Variants in PXDN observed in about 807,000 individuals in gnomAD.
PXDN encodes the protein peroxidasin homolog.
Under a neutral mutation model 140.3 loss-of-function variants are expected in PXDN, and 77 were observed. That is an observed-to-expected ratio of 0.55 (90% CI 0.46 to 0.66). PXDN has a LOEUF of 0.66. Among genes scored for constraint, PXDN ranks in the 30% least tolerant of loss-of-function variants. The pLI is 0.00. For missense variants in PXDN, 1,838 were observed against 2,039.5 expected, an observed-to-expected ratio of 0.90 and a Z score of 1.90; for synonymous variants, 911 against 857.4, an observed-to-expected ratio of 1.06 and a Z score of -1.09.
At chr2:1,699,704 CTG>C (rs951844048) in intron 1 of PXDN, among the ~76,000 whole-genome samples, 2 of 152,150 alleles carry the variant, frequency 1.3e-5, no homozygotes, top group African/African-American at 4.8e-5. Flanking sequence ...GAGCGAAACT[CTG>C]TCTCACCAAA....
At chr2:1,694,305 T>C (rs1193507385) in intron 1 of PXDN, among the ~76,000 whole-genome samples, 2 of 152,194 alleles carry the variant, frequency 1.3e-5, no homozygotes, top group African/African-American at 4.8e-5. Context: ...CTAAGGAATC[T>C]GATTATCCTA....
chr2:1,741,919 C>G (rs757447502), intron 1 of PXDN, among the ~76,000 whole-genome samples: 31 of 152,096 alleles, frequency 2.0e-4, no homozygotes, highest in Non-Finnish European at 2.4e-4. Context: ...GACCATGCCC[C>G]CAGAGACCCC....
At chr2:1,676,843 TTGG>T in intron 8 of PXDN, 81 bp downstream of exon 8, 1 of 1,276,906 alleles carries the variant, frequency 7.8e-7, no homozygotes, top group Admixed American at 2.0e-5. Flanking sequence ...GACGTGGGCC[TTGG>T]TGGGGAGTGA....
At position 1,660,266 on chromosome 2, in the gene PXDN, C is replaced by T. The variant is rs895251114; in HGVS notation, c.1837+615G>A. 6.6e-6 allele frequency among the ~76,000 whole-genome samples: 1 copy of T among 152,126 alleles called. No individual in the cohort carries two copies. Among genetic ancestry groups the T allele is most frequent in the African/African-American group, 2.4e-5 (1 of 41,428 alleles). On this transcript the variant is annotated intron_variant, in intron 14 of 22. Transcript: ENST00000252804. The surrounding 1 kb of genome is among the most constrained non-coding windows in gnomAD (Gnocchi z 4.6). ...AAAGAGGGGCCAGAGTGACCCGGGC[C>T]TCTGTTACAAGAACCCGGACAAGAT...
At chr2:1,642,718 G>A (rs551418967) in intron 19 of PXDN, among the ~76,000 whole-genome samples, 5 of 152,340 alleles carry the variant, frequency 3.3e-5, no homozygotes, top group South Asian at 4.1e-4. Context: ...TTAGGAATGC[G>A]AAGCAGGAAC....
At chr2:1,725,052 A>T (rs559815717) in intron 1 of PXDN, among the ~76,000 whole-genome samples, 1 of 152,176 alleles carries the variant, frequency 6.6e-6, no homozygotes, top group Admixed American at 6.5e-5. Context: ...AATGTTTTAT[A>T]GTTTTTAGCA....
intron 1 of PXDN, among the ~76,000 whole-genome samples, chr2:1,716,578 G>A (rs1324780351): frequency 3.9e-5 from 6 of 152,078 alleles, no homozygotes; most frequent in Non-Finnish European, 8.8e-5. Flanking sequence ...GAGGTGGCGG[G>A]CAGGCTGGGC....
At chr2:1,733,843 A>G (rs936095386) in intron 1 of PXDN, among the ~76,000 whole-genome samples, 1 of 151,782 alleles carries the variant, frequency 6.6e-6, no homozygotes, top group Non-Finnish European at 1.5e-5. Context: ...AAGGTAAAGA[A>G]AGCACTGTTT....
At chr2:1,730,421 G>T (rs1420061853) in intron 1 of PXDN, among the ~76,000 whole-genome samples, 1 of 152,216 alleles carries the variant, frequency 6.6e-6, no homozygotes, top group Non-Finnish European at 1.5e-5. Flanking sequence ...GGGATGGGCA[G>T]TTGAGGGGTC....
intron 16 of PXDN, among the ~76,000 whole-genome samples, chr2:1,650,210 G>C (rs1245791930): frequency 6.6e-6 from 1 of 152,118 alleles, no homozygotes; most frequent in African/African-American, 2.4e-5. Flanking sequence ...TTCCTTTCAC[G>C]CTACCTCAAA....
intron 1 of PXDN, among the ~76,000 whole-genome samples, chr2:1,727,013 A>G (rs1321000909): frequency 6.6e-6 from 1 of 152,214 alleles, no homozygotes. Flanking sequence ...TTGTCTCAAA[A>G]GGGAAAATCA....
chr2:1,711,169 CCA>C (rs1267989652), intron 1 of PXDN, among the ~76,000 whole-genome samples: 3 of 102,234 alleles, frequency 2.9e-5, no homozygotes, highest in Non-Finnish European at 5.9e-5. Context: ...CCACCAGCAC[CCA>C]CTCTCCACCA....
At chr2:1,659,594 G>A (rs982410878) in intron 14 of PXDN, among the ~76,000 whole-genome samples, 3 of 152,018 alleles carry the variant, frequency 2.0e-5, no homozygotes, top group Non-Finnish European at 2.9e-5. Context: ...ATGGAATTAC[G>A]GGTGGACGAT....
intron 9 of PXDN, 99 bp downstream of exon 9, chr2:1,673,544 A>C (rs1683625113): frequency 2.8e-6 from 4 of 1,450,446 alleles, no homozygotes; most frequent in Non-Finnish European, 3.8e-6. Context: ...TTCAGACTTC[A>C]ATGTTCATTC....
chr2:1,667,830 G>A lies in PXDN; in HGVS notation c.1019-1344C>T, dbSNP rs146074566. 7.3e-4 allele frequency among the ~76,000 whole-genome samples: 111 copies of A among 152,186 alleles called. 1 individual carries two copies. The highest frequency in any genetic ancestry group is 2.4e-3 in the African/African-American group (100 of 41,500). On this transcript the variant is annotated intron_variant, in intron 9 of 22. Coordinates refer to ENST00000252804, the MANE Select transcript of PXDN (RefSeq NM_012293.3). The stretch of plus-strand genomic sequence containing the variant: ...ATACAAACAAATGGAAAAACATTCC[G>A]TGCTCATGGACAGGAAGAATCAATA...
rs894963565 is a variant in PXDN, at chr2:1,648,709, G to A, written c.3071C>T (p.Ala1024Val). The change falls in exon 17 of 23, where the codon GCG becomes GTG. Residue 1024 changes from alanine to valine, a missense_variant. Ala to Val is a moderately conservative substitution (Grantham distance 64, BLOSUM62 0). Transcript: ENST00000252804. The surrounding 1 kb of genome is among the most constrained non-coding windows in gnomAD (Gnocchi z 8.9). ...IYYETRKIVG[A>V]EIQHITYQHW... ...CTGGTAGGTGATGTGCTGGATCTCCGCACCCACGATCTTCCTGGTCTCATA... is the reference window on the plus strand; with the variant it reads ...CTGGTAGGTGATGTGCTGGATCTCCACACCCACGATCTTCCTGGTCTCATA... 1.4e-5 allele frequency: 22 copies of A among 1,604,656 alleles called. No homozygotes were observed. The highest frequency in any genetic ancestry group is 1.8e-5 in the Non-Finnish European group (21 of 1,176,238).
In PXDN at chr2:1,684,252, C is replaced by CT. The variant is rs761253954; in HGVS notation, c.417-102_417-101insA. 362 of 844,534 alleles carry CT rather than the reference C, an allele frequency of 4.3e-4. 1 individual carries two copies. The highest frequency in any genetic ancestry group is 6.5e-4 in the Non-Finnish European group (336 of 519,762). 52.3% of individuals were successfully genotyped at this position (844,534 alleles called of 1,614,324 possible). ...TCCTAGTCATTTCAAATTCAGATAT[C>CT]AATAGATAGCTCACTCACTAGACTT... On this transcript the variant is annotated intron_variant, in intron 4 of 22. Coordinates refer to ENST00000252804, the MANE Select transcript of PXDN (RefSeq NM_012293.3).
chr2:1,644,316 G>A (rs1682801315), intron 18 of PXDN, among the ~76,000 whole-genome samples: 1 of 152,092 alleles, frequency 6.6e-6, no homozygotes, highest in South Asian at 2.1e-4. Context: ...TCCCACAGTG[G>A]TTTAGCTGTA....
At chr2:1,646,957 G>A (rs1057290900) in intron 17 of PXDN, among the ~76,000 whole-genome samples, 7 of 152,226 alleles carry the variant, frequency 4.6e-5, no homozygotes, top group East Asian at 1.9e-4. Flanking sequence ...GTGCAGTAGC[G>A]TGATCTCGGC....
Sources: allele counts gnomAD v4.1 joint callset (sites outside exome capture counted in the v4.1 genomes callset), GRCh38; gene constraint gnomAD v4.1.1; non-coding constraint Gnocchi (gnomAD v3.1); transcripts MANE v1.5; gene names NCBI Gene and HGNC (gene_info 2026-07-23, HGNC 2026-07-21).